The following MYO18B variants were observed in gnomAD, a reference collection of about 807,000 sequenced individuals.
MYO18B encodes myosin XVIIIB, also known as unconventional myosin-XVIIIb.
Under a neutral mutation model 273.0 loss-of-function variants are expected in MYO18B, and 204 were observed. That is an observed-to-expected ratio of 0.75 (90% CI 0.67 to 0.84). The LOEUF (loss-of-function observed/expected upper bound fraction) is 0.84, where lower values mean the gene tolerates loss of function less well. Among genes scored for constraint, MYO18B ranks in the 40% least tolerant of loss-of-function variants. MYO18B has a pLI of 0.00. For missense variants in MYO18B, 3,212 were observed against 3,287.6 expected, an observed-to-expected ratio of 0.98 and a Z score of 0.56; for synonymous variants, 1,330 against 1,305.7, an observed-to-expected ratio of 1.02 and a Z score of -0.40.
intron 37 of MYO18B, 128 bp downstream of exon 37, chr22:25,950,578 T>C: frequency 1.8e-6 from 1 of 570,350 alleles, no homozygotes; most frequent in Non-Finnish European, 2.8e-6. Flanking sequence ...TTTATTTGTT[T>C]ATTTATTTTT....
chr22:25,951,220 A>G (rs377386640), intron 37 of MYO18B, among the ~76,000 whole-genome samples: 2 of 152,234 alleles, frequency 1.3e-5, no homozygotes, highest in South Asian at 2.1e-4. Context: ...GTGTCCTTCA[A>G]TGGAATCAAG....
chr22:25,962,642 C>T (rs1053826531), intron 39 of MYO18B, among the ~76,000 whole-genome samples: 6 of 152,162 alleles, frequency 3.9e-5, no homozygotes, highest in Non-Finnish European at 8.8e-5. Context: ...ACATGTCCCT[C>T]AATAACTCTG....
At chr22:25,921,061 G>A (rs2092332868) in intron 33 of MYO18B, among the ~76,000 whole-genome samples, 196 bp from the exon 34 acceptor site, 1 of 152,182 alleles carries the variant, frequency 6.6e-6, no homozygotes, top group South Asian at 2.1e-4. Context: ...AATTTTCACA[G>A]CAGCCCAATG....
At chr22:25,927,463 A>G (rs959940963) in intron 34 of MYO18B, among the ~76,000 whole-genome samples, 10 of 152,112 alleles carry the variant, frequency 6.6e-5, no homozygotes, top group Admixed American at 5.9e-4. Context: ...TTCCCGCCTA[A>G]TAAATTTTGG....
At chr22:25,771,078 C>A in intron 6 of MYO18B, 94 bp downstream of exon 6, 1 of 916,046 alleles carries the variant, frequency 1.1e-6, no homozygotes. Flanking sequence ...CAAGAGATTT[C>A]CTTGTTCCTG....
intron 34 of MYO18B, among the ~76,000 whole-genome samples, chr22:25,943,462 C>A (rs2092668049): frequency 6.6e-6 from 1 of 152,140 alleles, no homozygotes; most frequent in African/African-American, 2.4e-5. Context: ...GGCTTCCTGG[C>A]AGACTGAAAT....
At chr22:25,990,686 C>CAAAAAAAAAAAAAAAAAAAAAAAA (rs745998234) in intron 39 of MYO18B, among the ~76,000 whole-genome samples, 1 of 27,016 alleles carries the variant, frequency 3.7e-5, no homozygotes, top group Non-Finnish European at 6.3e-5. Flanking sequence ...GACTTTGTCT[C>CAAAAAAAAAAAAAAAAAAAAAAAA]AAAAAAAAAA....
chr22:25,866,427 T>G (rs1394318431), intron 21 of MYO18B, among the ~76,000 whole-genome samples: 1 of 152,130 alleles, frequency 6.6e-6, no homozygotes, highest in East Asian at 1.9e-4. Context: ...TATCCAGAAA[T>G]CTCTTTGAGT....
At chr22:25,940,492 T>C (rs944899162) in intron 34 of MYO18B, among the ~76,000 whole-genome samples, 1 of 152,310 alleles carries the variant, frequency 6.6e-6, no homozygotes, top group African/African-American at 2.4e-5. Flanking sequence ...AACAGACTAA[T>C]ACGCATGGGA....
rs1272928904 is a variant in MYO18B at position 26,004,746 on chromosome 22, C to A, written c.6361C>A (p.Pro2121Thr). 1.2e-6 allele frequency: 2 copies of A among 1,613,870 alleles called. No homozygotes were observed. The highest frequency in any genetic ancestry group is 1.7e-6 in the Non-Finnish European group (2 of 1,179,806). ...TAACGTCTCCATCCTCAGCTCCCAG[C>A]CAGAGGGCAGCCTGCAGTCCTGGTT... Reference protein sequence around the residue: ...MDNVSILSSQPEGSLQSWLSC... With the variant: ...MDNVSILSSQTEGSLQSWLSC... Residue 2121 changes from proline to threonine, a missense_variant, in exon 42 of 44, where the codon CCA becomes ACA. Transcript: ENST00000335473.
intron 11 of MYO18B, among the ~76,000 whole-genome samples, chr22:25,789,716 TACACAC>T (rs368027576): frequency 3.3e-5 from 5 of 151,566 alleles, no homozygotes; most frequent in Non-Finnish European, 7.4e-5. Context: ...AAAACCAGAA[TACACAC>T]ACACACTCGA....
chr22:25,977,539 T>C (rs2093104337), intron 39 of MYO18B, among the ~76,000 whole-genome samples: 1 of 152,096 alleles, frequency 6.6e-6, no homozygotes, highest in African/African-American at 2.4e-5. Context: ...AGCATGTTTT[T>C]GTGGAGAGGA....
intron 31 of MYO18B, among the ~76,000 whole-genome samples, chr22:25,906,400 A>G (rs948996840): frequency 5.9e-5 from 9 of 152,220 alleles, no homozygotes; most frequent in African/African-American, 2.2e-4. Context: ...AAGTGAGCCT[A>G]CTTTATGCCA....
At chr22:25,805,644 G>T (rs527563783) in intron 12 of MYO18B, among the ~76,000 whole-genome samples, 3 of 152,182 alleles carry the variant, frequency 2.0e-5, no homozygotes, top group African/African-American at 7.2e-5. Flanking sequence ...GTTTGGTTGG[G>T]TTACTTCAGT....
intron 38 of MYO18B, 63 bp downstream of exon 38, chr22:25,952,486 A>G: frequency 1.3e-6 from 2 of 1,588,754 alleles, no homozygotes; most frequent in Non-Finnish European, 1.7e-6. Flanking sequence ...TGTAAGCTTC[A>G]TCCATCCTTC....
chr22:25,903,491 C>T (rs1055799206), intron 30 of MYO18B, 140 bp from the exon 31 acceptor site: 24 of 812,110 alleles, frequency 3.0e-5, no homozygotes, highest in South Asian at 5.4e-5. Context: ...CTGTGAGGGA[C>T]GGTGGGGTCC....
chr22:25,820,258 A>G (rs991178177), intron 12 of MYO18B, among the ~76,000 whole-genome samples: 8 of 151,902 alleles, frequency 5.3e-5, no homozygotes, highest in Non-Finnish European at 1.5e-5. Flanking sequence ...AGTAATTGGC[A>G]CATTAGGAGG....
At chr22:25,755,998 C>G (rs374841863) in intron 1 of MYO18B, among the ~76,000 whole-genome samples, 1 of 151,940 alleles carries the variant, frequency 6.6e-6, no homozygotes, top group Non-Finnish European at 1.5e-5. Flanking sequence ...CCTGGGTTCA[C>G]GCCATACTTT....
chr22:25,954,742 CT>C (rs1474871368), intron 38 of MYO18B, among the ~76,000 whole-genome samples: 3 of 152,168 alleles, frequency 2.0e-5, no homozygotes, highest in African/African-American at 4.8e-5. Flanking sequence ...GACAGGGTCT[CT>C]CTCTGTCACC....
Sources: gnomAD v4.1 joint callset for allele counts (sites outside exome capture counted in the v4.1 genomes callset) on GRCh38, gnomAD v4.1.1 for gene constraint, MANE v1.5 for transcripts, NCBI Gene and HGNC (gene_info 2026-07-23, HGNC 2026-07-21) for gene names.